The following PTPRT variants were observed in gnomAD, a reference collection of about 807,000 sequenced individuals.
PTPRT encodes the protein receptor-type tyrosine-protein phosphatase T.
A neutral mutation model predicts 176.8 loss-of-function variants in PTPRT; 56 were observed. The ratio of observed to expected loss-of-function variants is 0.32; its 90% CI spans 0.26 to 0.40. PTPRT has a LOEUF of 0.40. Ranked by LOEUF, PTPRT falls within the 10% of genes least tolerant of loss-of-function variation. The pLI is 1.00. For synonymous variants in PTPRT, 783 were observed against 739.0 expected (o/e 1.06, Z -0.96); for missense variants, 1,540 against 1,908.2 (o/e 0.81, Z 3.60).
chr20:42,047,988 CA>C, the PTPRT span, among the ~76,000 whole-genome samples: 1 of 152,104 alleles, frequency 6.6e-6, no homozygotes, highest in African/African-American at 2.4e-5. Context: ...ATGAATATTT[CA>C]AGATTCTCCT....
chr20:42,760,708 G>A lies in PTPRT; in HGVS notation c.685-4072C>T, dbSNP rs372812428. On this transcript the variant is annotated intron_variant, in intron 5 of 30. Transcript: ENST00000373187. ...AGTCCCTGTCAAAGTTCTTCTCAAA[G>A]AGTGGTCCCTGAATCTACAGCATCG... 2.0e-5 allele frequency among the ~76,000 whole-genome samples: 3 copies of A among 152,248 alleles called. No individual in the cohort carries two copies. In the East Asian group the frequency reaches 5.8e-4, roughly 29 times the overall value.
intron 7 of PTPRT, among the ~76,000 whole-genome samples, chr20:42,651,984 G>T (rs967890904): frequency 2.0e-5 from 3 of 151,790 alleles, no homozygotes; most frequent in Non-Finnish European, 4.4e-5. Flanking sequence ...GGAGGTGGAG[G>T]TTGCAGTGAG....
At chr20:43,157,259 G>A (rs550958804) in intron 1 of PTPRT, among the ~76,000 whole-genome samples, 36 of 152,166 alleles carry the variant, frequency 2.4e-4, no homozygotes, top group East Asian at 9.7e-4. Context: ...ACTTGGGGAG[G>A]GGGTGGAGGC....
intron 7 of PTPRT, among the ~76,000 whole-genome samples, chr20:42,624,884 G>A (rs1027615096): frequency 1.2e-4 from 18 of 152,162 alleles, no homozygotes; most frequent in Middle Eastern, 6.8e-3. Flanking sequence ...TAGCATATAC[G>A]GTGAGGAACA....
the PTPRT span, among the ~76,000 whole-genome samples, chr20:42,062,616 G>A: frequency 6.6e-6 from 1 of 152,102 alleles, no homozygotes; most frequent in Non-Finnish European, 1.5e-5. Flanking sequence ...CACATAAAAT[G>A]TCTCAAGCCC....
At chr20:42,181,007 A>G (rs1376217454) in intron 16 of PTPRT, among the ~76,000 whole-genome samples, 1 of 152,244 alleles carries the variant, frequency 6.6e-6, no homozygotes, top group Non-Finnish European at 1.5e-5. Context: ...AACAATAATC[A>G]TCAACTCATA....
intron 3 of PTPRT, among the ~76,000 whole-genome samples, chr20:42,787,196 G>C (rs1180438800): frequency 6.6e-6 from 1 of 152,174 alleles, no homozygotes; most frequent in Admixed American, 6.5e-5. Context: ...GTGCCAGTAT[G>C]CATTCTGTAA....
chr20:42,760,733 G>A (rs569255355), intron 5 of PTPRT, among the ~76,000 whole-genome samples: 2 of 152,108 alleles, frequency 1.3e-5, no homozygotes, highest in African/African-American at 4.8e-5. Context: ...CTACAGCATC[G>A]GCCTCATCTG....
intron 1 of PTPRT, among the ~76,000 whole-genome samples, chr20:43,038,281 G>A (rs1986465889): frequency 6.6e-6 from 1 of 152,002 alleles, no homozygotes; most frequent in Non-Finnish European, 1.5e-5. Flanking sequence ...TAAAATACTA[G>A]TAGATCAAAT....
chr20:42,097,747 A>T (rs1195881487), intron 27 of PTPRT, among the ~76,000 whole-genome samples: 1 of 152,244 alleles, frequency 6.6e-6, no homozygotes, highest in African/African-American at 2.4e-5. Context: ...CAGTGAAAGG[A>T]TAGGTTTTTA....
chr20:42,969,049 G>A (rs1220035883), intron 1 of PTPRT: 3 of 152,216 alleles, frequency 2.0e-5, no homozygotes, highest in Admixed American at 2.0e-4. Context: ...AGCGATGACT[G>A]GTTAACATGA....
Position 42,199,350 on chromosome 20 carries a change from G to T in PTPRT, c.2381C>A (p.Ala794Asp). 1.2e-6 allele frequency: 2 copies of T among 1,614,104 alleles called. No homozygotes were observed. Among genetic ancestry groups the T allele is most frequent in the Non-Finnish European group, 1.7e-6 (2 of 1,179,976 alleles). ...AKKQKETQSGAQREMGPVASA... is the reference protein window; with the variant it reads ...AKKQKETQSGDQREMGPVASA... ...GGCCACAGGCCCCATCTCCCTCTGG[G>T]CTCCACTCTGGGTCTCCTTCTGCTT... is the stretch of plus-strand genomic sequence containing the variant. Residue 794 changes from alanine (A) to aspartate (D), a missense_variant, in exon 16 of 31, where the codon GCC becomes GAC. By Grantham distance (126) the Ala-to-Asp change is moderately radical. This residue lies in a region of PTPRT where 255 missense variants were observed against 250.1 expected (regional missense o/e 1.02). Coordinates refer to ENST00000373187, the MANE Select transcript of PTPRT (RefSeq NM_007050.6).
At chr20:42,980,716 A>G (rs939661387) in intron 1 of PTPRT, among the ~76,000 whole-genome samples, 1 of 152,154 alleles carries the variant, frequency 6.6e-6, no homozygotes, top group South Asian at 2.1e-4. Flanking sequence ...CCTTGGTTTG[A>G]CTAAAGTTTT....
At chr20:42,362,650 T>A (rs2058446204) in intron 9 of PTPRT, among the ~76,000 whole-genome samples, 1 of 152,164 alleles carries the variant, frequency 6.6e-6, no homozygotes, top group Non-Finnish European at 1.5e-5. Context: ...ATTATAGTGT[T>A]CATTATAATG....
chr20:42,627,093 G>A (rs570695664), intron 7 of PTPRT, among the ~76,000 whole-genome samples: 12 of 152,202 alleles, frequency 7.9e-5, no homozygotes, highest in African/African-American at 2.6e-4. Flanking sequence ...CGGGATGACC[G>A]GGCACATCTA....
In PTPRT at chr20:42,232,850, C is replaced by T. The variant is rs1292133207; in HGVS notation, c.2342+3379G>A. ...AAAAAAAAAAAAGGTGAAAGGTGAT[C>T]CTACTCATGGTCCCCAGGCAGGCTG... On this transcript the variant is annotated intron_variant, in intron 15 of 30. Transcript: ENST00000373187. 4.7e-5 allele frequency among the ~76,000 whole-genome samples: 7 copies of T among 150,308 alleles called. No individual in the cohort carries two copies. In the South Asian group the frequency reaches 6.3e-4, roughly 14 times the overall value.
intron 15 of PTPRT, among the ~76,000 whole-genome samples, chr20:42,213,572 C>T (rs1024525478): frequency 6.6e-6 from 1 of 152,206 alleles, no homozygotes; most frequent in Non-Finnish European, 1.5e-5. Flanking sequence ...AGGGTCTTTG[C>T]AGACGTAACG....
chr20:42,584,704 C>T (rs1358880002), intron 7 of PTPRT, among the ~76,000 whole-genome samples: 3 of 152,124 alleles, frequency 2.0e-5, no homozygotes, highest in Non-Finnish European at 2.9e-5. Flanking sequence ...TTCTTTAGTA[C>T]GAATTCTCCG....
chr20:42,226,984 C>A (rs974520499), intron 15 of PTPRT, among the ~76,000 whole-genome samples: 2 of 152,184 alleles, frequency 1.3e-5, no homozygotes, highest in Non-Finnish European at 2.9e-5. Flanking sequence ...TAACCCCAAT[C>A]AGTTGGTATG....
Sources: allele counts gnomAD v4.1 joint callset (sites outside exome capture counted in the v4.1 genomes callset), GRCh38; gene constraint gnomAD v4.1.1; regional missense constraint gnomAD v4.1.1; transcripts MANE v1.5; gene names NCBI Gene and HGNC (gene_info 2026-07-23, HGNC 2026-07-21).